The following ANKIB1 variants were observed in gnomAD, a reference collection of about 807,000 sequenced individuals.
ANKIB1 encodes the protein ankyrin repeat and IBR domain containing 1, also known as ankyrin repeat and IBR domain-containing protein 1.
In ANKIB1, 43 loss-of-function variants were observed where a neutral mutation model predicts 122.1. The observed-to-expected ratio is 0.35, with a 90% CI of 0.28 to 0.45. The LOEUF (loss-of-function observed/expected upper bound fraction) is 0.45, where lower values mean the gene tolerates loss of function less well. Among genes scored for constraint, ANKIB1 ranks in the 20% least tolerant of loss-of-function variants. ANKIB1 has a pLI of 1.00. For synonymous variants in ANKIB1, 390 were observed against 442.0 expected (o/e 0.88, Z 1.48); for missense variants, 992 against 1,329.5 (o/e 0.75, Z 3.95).
chr7:92,392,734 TA>T (rs1244461909), intron 17 of ANKIB1, among the ~76,000 whole-genome samples: 4 of 152,136 alleles, frequency 2.6e-5, no homozygotes, highest in Admixed American at 6.6e-5. Flanking sequence ...TTGACTTTAA[TA>T]ATGTATATGC....
At chr7:92,352,882 T>A (rs769801597) in intron 9 of ANKIB1, among the ~76,000 whole-genome samples, 3 of 152,174 alleles carry the variant, frequency 2.0e-5, no homozygotes, top group Non-Finnish European at 4.4e-5. Context: ...TGAGTTGATG[T>A]TATTATGCCC....
At chr7:92,346,854 A>T (rs929001090) in intron 7 of ANKIB1, among the ~76,000 whole-genome samples, 1 of 152,240 alleles carries the variant, frequency 6.6e-6, no homozygotes, top group East Asian at 1.9e-4. Context: ...CTCATCACAA[A>T]CTAGCCATAA....
intron 16 of ANKIB1, 139 bp downstream of exon 16, chr7:92,391,483 C>A: frequency 1.3e-6 from 1 of 768,178 alleles, no homozygotes; most frequent in Non-Finnish European, 1.8e-6. Flanking sequence ...AGTATGTTGA[C>A]TTTTTTTGGT....
intron 7 of ANKIB1, 78 bp downstream of exon 7, chr7:92,345,144 A>G: frequency 2.9e-6 from 3 of 1,046,798 alleles, no homozygotes; most frequent in Non-Finnish European, 4.3e-6. Flanking sequence ...TGCTTTCAGT[A>G]TTTAATGATG....
intron 1 of ANKIB1, among the ~76,000 whole-genome samples, chr7:92,259,202 T>A (rs1801510709): frequency 6.6e-6 from 1 of 152,170 alleles, no homozygotes; most frequent in Non-Finnish European, 1.5e-5. Flanking sequence ...GTGAGCCACC[T>A]GCCTCAGCCT....
At chr7:92,270,648 C>T (rs1301519003) in intron 1 of ANKIB1, among the ~76,000 whole-genome samples, 2 of 151,970 alleles carry the variant, frequency 1.3e-5, no homozygotes, top group Admixed American at 1.3e-4. Flanking sequence ...AAGAAAACTC[C>T]CTTGTCCTGT....
intron 2 of ANKIB1, among the ~76,000 whole-genome samples, 157 bp downstream of exon 2, chr7:92,295,323 A>G (rs188080844): frequency 1.6e-4 from 24 of 152,318 alleles, no homozygotes; most frequent in African/African-American, 5.8e-4. Flanking sequence ...TTTATAGTGA[A>G]TTAAACTTTC....
chr7:92,256,892 A>T (rs1440150329), intron 1 of ANKIB1, among the ~76,000 whole-genome samples: 2 of 152,200 alleles, frequency 1.3e-5, no homozygotes, highest in Non-Finnish European at 2.9e-5. Flanking sequence ...GGTTAGAAAA[A>T]TTGTCACAAG....
chr7:92,328,941 T>A (rs1803093138), intron 5 of ANKIB1, among the ~76,000 whole-genome samples: 1 of 148,094 alleles, frequency 6.8e-6, no homozygotes, highest in South Asian at 2.1e-4. Context: ...ATAAAACATA[T>A]AATATATATA....
At chr7:92,329,209 C>T (rs776734686) in intron 5 of ANKIB1, among the ~76,000 whole-genome samples, 3 of 152,078 alleles carry the variant, frequency 2.0e-5, no homozygotes, top group Non-Finnish European at 4.4e-5. Context: ...CTAGGTGATC[C>T]ACCCCCTCGC....
At chr7:92,282,990 C>A (rs548379695) in intron 1 of ANKIB1, among the ~76,000 whole-genome samples, 17 of 152,264 alleles carry the variant, frequency 1.1e-4, no homozygotes, top group African/African-American at 4.1e-4. Context: ...CAAAAAGAGG[C>A]AGGCTTTTGA....
At chr7:92,342,957 T>A in intron 5 of ANKIB1, 67 bp from the exon 6 acceptor site, 1 of 1,442,754 alleles carries the variant, frequency 6.9e-7, no homozygotes, top group South Asian at 1.2e-5. Flanking sequence ...ATTTTTGTTA[T>A]TATATAGCTT....
At chr7:92,338,733 G>A in intron 5 of ANKIB1, among the ~76,000 whole-genome samples, 1 of 150,038 alleles carries the variant, frequency 6.7e-6, no homozygotes, top group African/African-American at 2.4e-5. Context: ...CCAACATGGT[G>A]AAACCCCATC....
intron 1 of ANKIB1, among the ~76,000 whole-genome samples, chr7:92,271,055 C>T (rs1384776611): frequency 6.6e-6 from 1 of 151,932 alleles, no homozygotes; most frequent in Non-Finnish European, 1.5e-5. Context: ...AAATTTTCTC[C>T]TGTGTTTTTT....
chr7:92,392,855 A>G (rs1468946948), intron 17 of ANKIB1, among the ~76,000 whole-genome samples: 2 of 152,056 alleles, frequency 1.3e-5, no homozygotes, highest in South Asian at 2.1e-4. Flanking sequence ...CAGAAGGTCT[A>G]AATTACTAAC....
At position 92,390,021 on chromosome 7, in the gene ANKIB1, C is replaced by A; in HGVS notation, c.1957C>A (p.Leu653Ile). ...TTFIEDAVHVLLKTRRILKCS... is the reference protein window; with the variant it reads ...TTFIEDAVHVILKTRRILKCS... ...TTTCATTGAAGATGCAGTTCATGTGCTCTTAAAAACTCGGCGCATTCTCAA... is the reference window on the plus strand; with the variant it reads ...TTTCATTGAAGATGCAGTTCATGTGATCTTAAAAACTCGGCGCATTCTCAA... The change falls in exon 15 of 20, where the codon CTC becomes ATC. Residue 653 changes from leucine (L) to isoleucine (I), a missense_variant. Physicochemically the swap from Leu to Ile is conservative, Grantham distance 5 (BLOSUM62 2). Transcript: ENST00000265742. 1 of 1,607,196 alleles carries A rather than the reference C, an allele frequency of 6.2e-7. No homozygotes were observed. Among genetic ancestry groups the A allele is most frequent in the South Asian group, 1.1e-5 (1 of 88,876 alleles).
chr7:92,351,466 A>G (rs1390713650), intron 8 of ANKIB1, among the ~76,000 whole-genome samples: 1 of 152,200 alleles, frequency 6.6e-6, no homozygotes, highest in East Asian at 1.9e-4. Context: ...ATGCTTCTAA[A>G]TAAAATATTT....
At chr7:92,313,961 A>C (rs1802742587) in intron 3 of ANKIB1, among the ~76,000 whole-genome samples, 2 of 152,178 alleles carry the variant, frequency 1.3e-5, no homozygotes, top group Non-Finnish European at 2.9e-5. Context: ...ACTAAATGCC[A>C]AGGTTAAGAA....
intron 2 of ANKIB1, among the ~76,000 whole-genome samples, chr7:92,299,783 C>T (rs937329746): frequency 4.6e-5 from 7 of 151,904 alleles, no homozygotes; most frequent in African/African-American, 1.2e-4. Context: ...TCCATATAAA[C>T]AAAAACTCTT....
Sources: allele counts gnomAD v4.1 joint callset (sites outside exome capture counted in the v4.1 genomes callset), GRCh38; gene constraint gnomAD v4.1.1; transcripts MANE v1.5; gene names NCBI Gene and HGNC (gene_info 2026-07-23, HGNC 2026-07-21).